The following INPP4B variants were observed in gnomAD, a reference collection of about 807,000 sequenced individuals.
INPP4B encodes the protein inositol polyphosphate-4-phosphatase type II B, also known as inositol polyphosphate 4-phosphatase type II.
INPP4B carries 55 observed loss-of-function variants against 122.5 expected under a neutral mutation model. The observed-to-expected ratio is 0.45, with a 90% CI of 0.36 to 0.56. INPP4B has a LOEUF of 0.56. INPP4B is among the 20% of genes least tolerant of loss of function. The pLI, the probability that INPP4B is intolerant of heterozygous loss-of-function variation, is 0.00. For synonymous variants in INPP4B, 403 were observed against 388.7 expected, an observed-to-expected ratio of 1.04 and a Z score of -0.43; for missense variants, 1,000 against 1,097.7, an observed-to-expected ratio of 0.91 and a Z score of 1.26.
At chr4:142,301,440 T>C (rs924266809) in intron 9 of INPP4B, among the ~76,000 whole-genome samples, 6 of 152,092 alleles carry the variant, frequency 3.9e-5, no homozygotes, top group Non-Finnish European at 8.8e-5. Flanking sequence ...GGTAGTAAAA[T>C]AAAAGTAGAA....
intron 2 of INPP4B, among the ~76,000 whole-genome samples, chr4:142,498,573 G>C (rs1172430708): frequency 6.6e-6 from 1 of 152,036 alleles, no homozygotes; most frequent in Admixed American, 6.6e-5. Context: ...AGGATTGCTT[G>C]AGTCCAGGAG....
Position 142,208,312 on chromosome 4 carries a change from A to G in INPP4B, c.1072+113T>C, listed in dbSNP as rs1282945673. 1.6e-5 allele frequency: 8 copies of G among 488,078 alleles called. No homozygotes were observed. The East Asian group carries it at 2.7e-4, about 16-fold the overall frequency. 30.2% of individuals were successfully genotyped at this position (488,078 alleles called of 1,614,324 possible). Reference sequence around the variant, plus strand: ...GGTCATTATGAGGTTCAACTGTTTCATTTTCAACTTTATATAATTGTTAAA... The same window carrying G: ...GGTCATTATGAGGTTCAACTGTTTCGTTTTCAACTTTATATAATTGTTAAA... On this transcript the variant is annotated intron_variant, in intron 14 of 25. Coordinates refer to ENST00000262992, the MANE Select transcript of INPP4B (RefSeq NM_001101669.3).
intron 14 of INPP4B, among the ~76,000 whole-genome samples, chr4:142,205,767 C>T (rs1327704428): frequency 6.6e-6 from 1 of 152,110 alleles, no homozygotes; most frequent in Non-Finnish European, 1.5e-5. Flanking sequence ...TCATAAAAGG[C>T]TTTTCATTTT....
In INPP4B at chr4:142,785,523, G is replaced by A. The variant is rs1019291452; in HGVS notation, c.-253-59622C>T. Among the ~76,000 whole-genome samples, 88 of 152,056 alleles carry A rather than the reference G, an allele frequency of 5.8e-4. 1 individual carries two copies. The highest frequency in any genetic ancestry group is 2.0e-3 in the African/African-American group (84 of 41,522). On this transcript the variant is annotated intron_variant, in intron 1 of 25. Coordinates refer to ENST00000262992, the MANE Select transcript of INPP4B (RefSeq NM_001101669.3). Reference sequence around the variant, plus strand: ...AAAGAACATGCTGGAAATCAAAAACGCGATGATAGAAATTAAGAATGCTCT... The same window carrying A: ...AAAGAACATGCTGGAAATCAAAAACACGATGATAGAAATTAAGAATGCTCT...
intron 1 of INPP4B, among the ~76,000 whole-genome samples, chr4:142,785,932 G>A (rs1775705013): frequency 6.6e-6 from 1 of 151,912 alleles, no homozygotes; most frequent in East Asian, 1.9e-4. Context: ...GGGTTGGAGG[G>A]GACACCTTGC....
At chr4:142,552,599 G>C (rs1728239411) in intron 2 of INPP4B, among the ~76,000 whole-genome samples, 1 of 152,114 alleles carries the variant, frequency 6.6e-6, no homozygotes, top group Admixed American at 6.5e-5. Flanking sequence ...CTTGGAAAGT[G>C]CAATACCAAG....
chr4:142,400,228 A>G (rs753722474), intron 7 of INPP4B, among the ~76,000 whole-genome samples: 5 of 152,206 alleles, frequency 3.3e-5, no homozygotes, highest in Non-Finnish European at 7.3e-5. Context: ...AACACAAGCA[A>G]TTTAGTCATC....
At chr4:142,814,966 A>G (rs1290828895) in intron 1 of INPP4B, among the ~76,000 whole-genome samples, 4 of 152,040 alleles carry the variant, frequency 2.6e-5, no homozygotes, top group African/African-American at 9.6e-5. Flanking sequence ...TGCAGTGGAG[A>G]CTCCTGATAA....
chr4:142,472,319 T>C (rs1308098343), intron 2 of INPP4B, among the ~76,000 whole-genome samples: 1 of 144,266 alleles, frequency 6.9e-6, no homozygotes, highest in Non-Finnish European at 1.5e-5. Flanking sequence ...TAAAGATCAT[T>C]GTAGGAAAAA....
At chr4:142,547,779 T>C (rs889328509) in intron 2 of INPP4B, among the ~76,000 whole-genome samples, 2 of 152,180 alleles carry the variant, frequency 1.3e-5, no homozygotes, top group African/African-American at 4.8e-5. Flanking sequence ...TTTATTGTAT[T>C]CTATTTTCTT....
chr4:142,537,298 T>G (rs971075126), intron 2 of INPP4B, among the ~76,000 whole-genome samples: 1 of 150,686 alleles, frequency 6.6e-6, no homozygotes, highest in Non-Finnish European at 1.5e-5. Flanking sequence ...GAGATCAAAG[T>G]GTATACCTTA....
At chr4:142,086,617 A>C (rs1776926978) in intron 23 of INPP4B, among the ~76,000 whole-genome samples, 1 of 152,192 alleles carries the variant, frequency 6.6e-6, no homozygotes, top group South Asian at 2.1e-4. Context: ...GGCCTCCTGA[A>C]GTGCTGGGAT....
At chr4:142,720,254 G>T (rs1485007039) in intron 2 of INPP4B, among the ~76,000 whole-genome samples, 2 of 152,102 alleles carry the variant, frequency 1.3e-5, no homozygotes, top group East Asian at 3.9e-4. Flanking sequence ...TTCAAATTAA[G>T]TACCTACTAT....
chr4:142,202,415 C>T (rs1459271265), intron 14 of INPP4B, among the ~76,000 whole-genome samples: 1 of 151,926 alleles, frequency 6.6e-6, no homozygotes, highest in African/African-American at 2.4e-5. Flanking sequence ...ATTGCAAAAG[C>T]CTTTAGGGAT....
chr4:142,034,659 C>T (rs116667118), intron 25 of INPP4B, among the ~76,000 whole-genome samples: 5 of 152,166 alleles, frequency 3.3e-5, no homozygotes, highest in African/African-American at 9.6e-5. Flanking sequence ...AGAGTCACAC[C>T]GGACCCCTTC....
At chr4:142,031,063 A>G (rs930180077) in intron 25 of INPP4B, among the ~76,000 whole-genome samples, 12 of 152,206 alleles carry the variant, frequency 7.9e-5, no homozygotes, top group African/African-American at 2.9e-4. Context: ...CTTTCTGTGT[A>G]AATAAAAAAA....
At chr4:142,748,447 G>A (rs1163105201) in intron 1 of INPP4B, among the ~76,000 whole-genome samples, 1 of 151,950 alleles carries the variant, frequency 6.6e-6, no homozygotes, top group Non-Finnish European at 1.5e-5. Flanking sequence ...ACACAAGTTA[G>A]TTCTTTGAAA....
intron 2 of INPP4B, among the ~76,000 whole-genome samples, chr4:142,465,494 G>A (rs1187516381): frequency 6.6e-6 from 1 of 152,166 alleles, no homozygotes; most frequent in African/African-American, 2.4e-5. Flanking sequence ...TAACTTCTGG[G>A]TGTTAAACTG....
chr4:142,589,633 T>C (rs1436024793), intron 2 of INPP4B, among the ~76,000 whole-genome samples: 1 of 152,122 alleles, frequency 6.6e-6, no homozygotes, highest in Non-Finnish European at 1.5e-5. Flanking sequence ...TACCAATTCC[T>C]AGTAAGGATG....
Sources: gnomAD v4.1 joint callset for allele counts (sites outside exome capture counted in the v4.1 genomes callset) on GRCh38, gnomAD v4.1.1 for gene constraint, MANE v1.5 for transcripts, NCBI Gene and HGNC (gene_info 2026-07-23, HGNC 2026-07-21) for gene names.